Variants in DCAKD observed in about 807,000 individuals in gnomAD.
DCAKD encodes the protein dephospho-CoA kinase domain-containing protein.
In DCAKD, 15 loss-of-function variants were observed where a neutral mutation model predicts 18.7. The observed-to-expected ratio is 0.80, with a 90% CI of 0.54 to 1.24. The LOEUF (loss-of-function observed/expected upper bound fraction) is 1.24, where lower values mean the gene tolerates loss of function less well. Among genes scored for constraint, DCAKD ranks in the 50% most tolerant of loss-of-function variants. DCAKD has a pLI of 0.00. For missense variants in DCAKD, 301 were observed against 322.0 expected, an observed-to-expected ratio of 0.93 and a Z score of 0.50; for synonymous variants, 130 against 133.0, an observed-to-expected ratio of 0.98 and a Z score of 0.16.
At chr17:45,059,072 C>T (rs2053819892) in intron 1 of DCAKD, among the ~76,000 whole-genome samples, 1 of 152,050 alleles carries the variant, frequency 6.6e-6, no homozygotes, top group South Asian at 2.1e-4. Flanking sequence ...AACCCCGTCT[C>T]TACTAAAAAT....
chr17:45,026,509 G>A (rs1222552094), intron 4 of DCAKD: 12 of 701,642 alleles, frequency 1.7e-5, no homozygotes, highest in Non-Finnish European at 2.1e-5. Context: ...ACAGGTGTGA[G>A]CCACCGCGCC....
At chr17:45,036,502 C>T (rs1434393396) in intron 1 of DCAKD, among the ~76,000 whole-genome samples, 3 of 151,052 alleles carry the variant, frequency 2.0e-5, no homozygotes, top group Non-Finnish European at 2.9e-5. Context: ...GGTGACAGAG[C>T]GAGACTCCGT....
chr17:45,047,631 A>T (rs1197688346), intron 1 of DCAKD, among the ~76,000 whole-genome samples: 1 of 149,508 alleles, frequency 6.7e-6, no homozygotes, highest in African/African-American at 2.5e-5. Flanking sequence ...CAGCCTCCCC[A>T]GTAGCTGGGA....
intron 1 of DCAKD, among the ~76,000 whole-genome samples, chr17:45,046,653 G>A (rs2053577818): frequency 6.8e-6 from 1 of 146,294 alleles, no homozygotes; most frequent in Non-Finnish European, 1.5e-5. Context: ...CTCTATGTTT[G>A]CCCACGGTAG....
intron 3 of DCAKD, among the ~76,000 whole-genome samples, chr17:45,032,757 T>TG (rs146184102): frequency 0.39 from 57,790 of 148,764 alleles, 11,845 homozygotes; most frequent in African/African-American, 0.45. Flanking sequence ...CACTCCAGCC[T>TG]GGTGACAGAG....
At chr17:45,043,711 G>C (rs59963802) in intron 1 of DCAKD, among the ~76,000 whole-genome samples, 6,926 of 152,266 alleles carry the variant, frequency 0.045, 515 homozygotes, top group African/African-American at 0.16. Context: ...GGACTTGTCC[G>C]AATCATTCTT....
chr17:45,038,333 A>C (rs556398634), intron 1 of DCAKD, among the ~76,000 whole-genome samples: 1 of 152,026 alleles, frequency 6.6e-6, no homozygotes, highest in African/African-American at 2.4e-5. Context: ...CCACCCAGGC[A>C]GTTCTGATGT....
At chr17:45,051,733 G>C (rs1597986594), upstream of DCAKD, 1 of 61,272 alleles carries the variant, frequency 1.6e-5, no homozygotes, top group Non-Finnish European at 3.2e-5. Flanking sequence ...GTGGGCGGGC[G>C]GGGCCGGGAG....
intron 1 of DCAKD, among the ~76,000 whole-genome samples, chr17:45,046,431 T>C (rs553024181): frequency 2.4e-4 from 36 of 151,868 alleles, no homozygotes; most frequent in Non-Finnish European, 4.1e-4. Context: ...GCCTGGCCAA[T>C]ATGGTGAAAC....
chr17:45,037,957 T>TG (rs2053342394), intron 1 of DCAKD, among the ~76,000 whole-genome samples: 1 of 139,896 alleles, frequency 7.1e-6, no homozygotes, highest in African/African-American at 2.7e-5. Flanking sequence ...TTAGTAGAGA[T>TG]GGGGTTTCAC....
Position 45,024,659 on chromosome 17 carries a change from G to T in DCAKD, c.470C>A (p.Ala157Asp). 1 of 1,610,928 alleles carries T rather than the reference G, an allele frequency of 6.2e-7. No homozygotes were observed. Among genetic ancestry groups the T allele is most frequent in the Non-Finnish European group, 8.5e-7 (1 of 1,177,558 alleles). Reference protein sequence around the residue: ...RNSLNRKDAEARINAQLPLTD... With the variant: ...RNSLNRKDAEDRINAQLPLTD... ...CAGGGGCAGCTGGGCATTGATGCGG[G>T]CCTCTGCGTCCTTGCGGTTCAGGCT... Residue 157 changes from alanine to aspartate, a missense_variant, in exon 5 of 5, where the codon GCC (alanine) becomes GAC (aspartate). By Grantham distance (126) the Ala-to-Asp change is moderately radical. Coordinates refer to ENST00000651974, the MANE Select transcript of DCAKD (RefSeq NM_001288655.2).
At chr17:45,041,685 T>A (rs749444188) in intron 1 of DCAKD, among the ~76,000 whole-genome samples, 1 of 152,094 alleles carries the variant, frequency 6.6e-6, no homozygotes, top group Non-Finnish European at 1.5e-5. Flanking sequence ...GGCTAACTAC[T>A]CTTCAGTCAC....
At chr17:45,058,573 C>T (rs1211546582) in intron 1 of DCAKD, among the ~76,000 whole-genome samples, 1 of 151,970 alleles carries the variant, frequency 6.6e-6, no homozygotes, top group Admixed American at 6.6e-5. Context: ...GCGCCCACCA[C>T]TAAGCCCAGC....
At chr17:45,038,219 G>A (rs1240029010) in intron 1 of DCAKD, among the ~76,000 whole-genome samples, 2 of 151,938 alleles carry the variant, frequency 1.3e-5, no homozygotes, top group Non-Finnish European at 2.9e-5. Flanking sequence ...TAGGATTACA[G>A]GTATGCACCA....
intron 1 of DCAKD, among the ~76,000 whole-genome samples, chr17:45,059,533 C>T (rs548336310): frequency 6.6e-6 from 1 of 152,324 alleles, no homozygotes; most frequent in East Asian, 1.9e-4. Context: ...AAGAGTGAGA[C>T]TCAGGGACTG....
At chr17:45,046,344 C>T (rs1009253590) in intron 1 of DCAKD, among the ~76,000 whole-genome samples, 3 of 151,978 alleles carry the variant, frequency 2.0e-5, no homozygotes, top group South Asian at 2.1e-4. Flanking sequence ...CTGGGCACGG[C>T]GGCTCACGCC....
At chr17:45,032,155 T>A in intron 3 of DCAKD, 1 of 983,588 alleles carries the variant, frequency 1.0e-6, no homozygotes, top group East Asian at 1.1e-4. Flanking sequence ...AGGGCAGGAA[T>A]GAAAGGCAGA....
chr17:45,049,370 G>A (rs2053639595), intron 1 of DCAKD, among the ~76,000 whole-genome samples: 1 of 151,880 alleles, frequency 6.6e-6, no homozygotes, highest in Admixed American at 6.6e-5. Flanking sequence ...GGTCAAGGGT[G>A]CAGTAACCAG....
chr17:45,033,862 T>G (rs1398760471), intron 3 of DCAKD: 2 of 1,265,332 alleles, frequency 1.6e-6, no homozygotes, highest in East Asian at 8.7e-5. Context: ...GGGTTGGGAT[T>G]TGAACTCAGA....
Sources: allele counts gnomAD v4.1 joint callset (sites outside exome capture counted in the v4.1 genomes callset), GRCh38; gene constraint gnomAD v4.1.1; transcripts MANE v1.5; gene names NCBI Gene and HGNC (gene_info 2026-07-23, HGNC 2026-07-21).